The following CUX1 variants were observed in gnomAD, a reference collection of about 807,000 sequenced individuals.
CUX1 encodes cut like homeobox 1, also known as protein CASP.
CUX1 carries 31 observed loss-of-function variants against 158.8 expected under a neutral mutation model. The observed-to-expected ratio is 0.20, with a 90% CI of 0.15 to 0.26. The LOEUF (loss-of-function observed/expected upper bound fraction) is 0.26, where lower values mean the gene tolerates loss of function less well. CUX1 is among the 10% of genes least tolerant of loss of function. The pLI is 1.00. For synonymous variants in CUX1, 879 were observed against 862.1 expected (o/e 1.02, Z -0.34); for missense variants, 1,589 against 2,014.6 (o/e 0.79, Z 4.04).
chr7:101,895,508 T>C (rs1801369857), intron 1 of CUX1, among the ~76,000 whole-genome samples: 1 of 152,140 alleles, frequency 6.6e-6, no homozygotes, highest in East Asian at 1.9e-4. Flanking sequence ...CTTGAGACTT[T>C]GAAATTGCTG....
At chr7:102,181,193 C>A (rs143422553) in intron 11 of CUX1, among the ~76,000 whole-genome samples, 19 of 152,124 alleles carry the variant, frequency 1.2e-4, no homozygotes, top group African/African-American at 4.1e-4. Flanking sequence ...CACCCGCCTC[C>A]GCCTCCCAAA....
chr7:102,215,694 C>T (rs1454963719), intron 20 of CUX1, among the ~76,000 whole-genome samples: 3 of 152,002 alleles, frequency 2.0e-5, no homozygotes, highest in Non-Finnish European at 4.4e-5. Flanking sequence ...TGGTTCTGCC[C>T]GGGTCTTTGT....
At chr7:101,972,501 G>A (rs539645741) in intron 2 of CUX1, among the ~76,000 whole-genome samples, 16 of 152,326 alleles carry the variant, frequency 1.1e-4, no homozygotes, top group South Asian at 4.1e-4. Context: ...CATGGATCCC[G>A]CATCGAAAAC....
intron 8 of CUX1, among the ~76,000 whole-genome samples, chr7:102,134,414 A>C (rs1170091336): frequency 1.3e-5 from 2 of 152,196 alleles, no homozygotes; most frequent in African/African-American, 4.8e-5. Flanking sequence ...ACATGATTAG[A>C]CTTCTGTCCA....
At chr7:101,836,497 C>T (rs758435116) in intron 1 of CUX1, among the ~76,000 whole-genome samples, 2 of 151,860 alleles carry the variant, frequency 1.3e-5, no homozygotes, top group Non-Finnish European at 2.9e-5. Context: ...GCCCTCCTTG[C>T]TCAGCAACAA....
At chr7:102,155,169 G>C (rs1354878240) in intron 8 of CUX1, among the ~76,000 whole-genome samples, 2 of 152,140 alleles carry the variant, frequency 1.3e-5, no homozygotes, top group Non-Finnish European at 2.9e-5. Context: ...AATGACGGTA[G>C]CCAGGGCAGT....
chr7:101,982,560 G>A (rs1369202783), intron 2 of CUX1, among the ~76,000 whole-genome samples: 2 of 152,074 alleles, frequency 1.3e-5, no homozygotes, highest in African/African-American at 4.8e-5. Flanking sequence ...CTGAGTAGCT[G>A]GGATTACAGA....
At chr7:102,137,187 T>C (rs1315147019) in intron 8 of CUX1, among the ~76,000 whole-genome samples, 3 of 152,206 alleles carry the variant, frequency 2.0e-5, no homozygotes, top group Non-Finnish European at 4.4e-5. Flanking sequence ...CCTTTCCATG[T>C]TAATCAAATG....
At chr7:101,982,415 CT>C (rs898783939) in intron 2 of CUX1, among the ~76,000 whole-genome samples, 6 of 149,618 alleles carry the variant, frequency 4.0e-5, no homozygotes, top group African/African-American at 1.2e-4. Context: ...TTTTAAATTT[CT>C]TTTTTTTTTC....
intron 2 of CUX1, among the ~76,000 whole-genome samples, chr7:102,013,435 A>G (rs1297885536): frequency 6.6e-6 from 1 of 152,234 alleles, no homozygotes; most frequent in East Asian, 1.9e-4. Context: ...TTGTTTCATT[A>G]CAAAGAAGCC....
intron 3 of CUX1, among the ~76,000 whole-genome samples, chr7:102,035,086 A>G (rs1821271760): frequency 6.6e-6 from 1 of 152,168 alleles, no homozygotes; most frequent in African/African-American, 2.4e-5. Flanking sequence ...AAAAAAAAAA[A>G]AAAAAATTCC....
At chr7:102,273,483 C>A in exon 15 of CUX1, 1 of 1,611,116 alleles carries the variant, frequency 6.2e-7, no homozygotes, top group South Asian at 1.1e-5. Flanking sequence ...ATCCAGCGGC[C>A]CGATGCCGAG....
intron 2 of CUX1, among the ~76,000 whole-genome samples, chr7:102,000,502 G>A (rs1816563083): frequency 6.6e-6 from 1 of 152,216 alleles, no homozygotes; most frequent in African/African-American, 2.4e-5. Flanking sequence ...GCAGAGCAAT[G>A]TATATTTCAA....
At chr7:102,001,178 C>T (rs965452814) in intron 2 of CUX1, among the ~76,000 whole-genome samples, 1 of 152,128 alleles carries the variant, frequency 6.6e-6, no homozygotes, top group Admixed American at 6.5e-5. Flanking sequence ...TAACCAAGCC[C>T]ACCTGCCTGC....
rs550994329 is a variant in CUX1 at position 101,916,933 on chromosome 7, G to A, written c.141+708G>A. On this transcript the variant is annotated intron_variant, in intron 2 of 23. Coordinates refer to ENST00000292535, the MANE Select transcript of CUX1 (RefSeq NM_181552.4). The surrounding 1 kb of genome is among the most constrained non-coding windows in gnomAD (Gnocchi z 4.4). ...AAGAAAAAAAAAAAAACATCCAAGC[G>A]TGTTGCAGGCAGATGAGCAGTCGCG... Among the ~76,000 whole-genome samples, 14 of 151,598 alleles carry A rather than the reference G, an allele frequency of 9.2e-5. No individual in the cohort carries two copies. Among genetic ancestry groups the A allele is most frequent in the Admixed American group, 7.2e-4 (11 of 15,232 alleles).
chr7:102,225,162 C>T (rs377333368), intron 20 of CUX1, among the ~76,000 whole-genome samples: 6 of 152,150 alleles, frequency 3.9e-5, no homozygotes, highest in East Asian at 3.8e-4. Flanking sequence ...CTGCCTCTTA[C>T]GCTTGTCTCT....
chr7:101,957,995 G>C (rs1375079558), intron 2 of CUX1, among the ~76,000 whole-genome samples: 1 of 152,294 alleles, frequency 6.6e-6, no homozygotes, highest in East Asian at 1.9e-4. Context: ...CCCGTGTAAT[G>C]GGGGATCTCT....
chr7:101,825,149 A>C (rs1428139479), intron 1 of CUX1, among the ~76,000 whole-genome samples: 1 of 152,196 alleles, frequency 6.6e-6, no homozygotes, highest in Non-Finnish European at 1.5e-5. Flanking sequence ...ACATACAGAG[A>C]TTACAGCTAA....
chr7:102,158,820 G>T (rs1357543764), intron 9 of CUX1, among the ~76,000 whole-genome samples: 2 of 152,216 alleles, frequency 1.3e-5, no homozygotes, highest in African/African-American at 4.8e-5. Context: ...CTTTGATGTG[G>T]TTCCAACATC....
Sources: gnomAD v4.1 joint callset for allele counts (sites outside exome capture counted in the v4.1 genomes callset) on GRCh38, gnomAD v4.1.1 for gene constraint, Gnocchi (gnomAD v3.1) non-coding constraint, MANE v1.5 for transcripts, NCBI Gene and HGNC (gene_info 2026-07-23, HGNC 2026-07-21) for gene names.